The following RBBP7 variants were observed in gnomAD, a reference collection of about 807,000 sequenced individuals.
The protein encoded by RBBP7 is histone-binding protein RBBP7.
Under a neutral mutation model 35.2 loss-of-function variants are expected in RBBP7, and 5 were observed. The ratio of observed to expected loss-of-function variants is 0.14; its 90% CI spans 0.07 to 0.30. The LOEUF (loss-of-function observed/expected upper bound fraction) is 0.30, where lower values mean the gene tolerates loss of function less well. Ranked by LOEUF, RBBP7 falls within the 10% of genes least tolerant of loss-of-function variation. The probability of loss-of-function intolerance (pLI) is 1.00; values close to 1 mark genes in which losing one functional copy is unlikely to be tolerated. For missense variants in RBBP7, 155 were observed against 327.5 expected (o/e 0.47, Z 4.07); for synonymous variants, 140 against 118.7 (o/e 1.18, Z -1.17).
At chrX:16,853,654 C>T in intron 6 of RBBP7, 28 bp downstream of exon 6, 2 of 1,085,794 alleles carry the variant, frequency 1.8e-6, no homozygotes, top group Non-Finnish European at 2.4e-6. Flanking sequence ...ACCCATTTAA[C>T]AAGATCCCAC....
At chrX:16,864,654 G>A (rs919376213) in intron 2 of RBBP7, among the ~76,000 whole-genome samples, 11 of 109,523 alleles carry the variant, frequency 1.0e-4, no homozygotes, top group African/African-American at 3.7e-4. Context: ...GTCTTTATAT[G>A]TATGTAGGGG....
chrX:16,869,618 C>T (rs1950504773), intron 1 of RBBP7: 1 of 1,161,446 alleles, frequency 8.6e-7, no homozygotes, highest in African/African-American at 1.8e-5. Flanking sequence ...CCCCAGCTCC[C>T]ACGACGCCCG....
intron 5 of RBBP7, among the ~76,000 whole-genome samples, chrX:16,854,508 T>C (rs902186038): frequency 9.0e-6 from 1 of 110,975 alleles, no homozygotes; most frequent in Non-Finnish European, 1.9e-5. Flanking sequence ...TGAACACAAA[T>C]GCACATCCTA....
At chrX:16,869,993 CGCCCCCCGCG>C in intron 1 of RBBP7, 35 bp downstream of exon 1, 2 of 764,851 alleles carry the variant, frequency 2.6e-6, no homozygotes, top group Non-Finnish European at 1.5e-6. Flanking sequence ...GCGCGCCCGC[CGCCCCCCGCG>C]GCCCCGGCGC....
chrX:16,845,310 G>A (rs1157938326), intron 11 of RBBP7, among the ~76,000 whole-genome samples: 4 of 112,240 alleles, frequency 3.6e-5, no homozygotes, highest in Non-Finnish European at 5.6e-5. Flanking sequence ...GCCACCCATC[G>A]ATGCACTACT....
At chrX:16,845,588 A>G (rs890627494) in intron 11 of RBBP7, among the ~76,000 whole-genome samples, 1 of 112,227 alleles carries the variant, frequency 8.9e-6, no homozygotes, top group African/African-American at 3.2e-5. Flanking sequence ...CAACAATGAA[A>G]ATCAGTGCAG....
At chrX:16,858,576 C>A in intron 4 of RBBP7, 100 bp downstream of exon 4, 1 of 1,099,690 alleles carries the variant, frequency 9.1e-7, no homozygotes, top group Non-Finnish European at 1.2e-6. Flanking sequence ...AATTTTTAAA[C>A]CTTTAAATAT....
At chrX:16,853,536 G>T in intron 6 of RBBP7, 146 bp downstream of exon 6, 1 of 445,732 alleles carries the variant, frequency 2.2e-6, no homozygotes, top group Non-Finnish European at 3.4e-6. Flanking sequence ...GCTTCCCAAG[G>T]TATTGAGATT....
chrX:16,845,061 A>T lies in RBBP7; in HGVS notation c.1252T>A (p.Ser418Thr). 8.3e-7 allele frequency: 1 copy of T among 1,209,749 alleles called. No individual in the cohort carries two copies. The highest frequency in any genetic ancestry group is 1.1e-6 in the Non-Finnish European group (1 of 893,838). The change falls in exon 12 of 12, where the codon TCC becomes ACC. Residue 418 changes from serine (S) to threonine (T), a missense_variant. Around this residue, in one of 3 missense-constraint regions of RBBP7, gnomAD observed 17 missense variants for 16.3 expected, o/e 1.04. Transcript: ENST00000380087. ...YNDEESDVTT[S>T]ELEGQGS ...TAAGATCCTTGTCCCTCCAGTTCGG[A>T]TGTCGTGACATCTGACTCTTCATCA...
chrX:16,845,267 C>A (rs966109178), intron 11 of RBBP7, among the ~76,000 whole-genome samples, 164 bp from the exon 12 acceptor site: 1 of 112,339 alleles, frequency 8.9e-6, no homozygotes, highest in African/African-American at 3.2e-5. Context: ...TTGAAAAATT[C>A]TTTGCCAGTG....
intron 10 of RBBP7, chrX:16,846,577 C>A (rs1332851949): frequency 8.9e-6 from 1 of 112,110 alleles, no homozygotes; most frequent in African/African-American, 3.2e-5. Flanking sequence ...GAGAGCTTTG[C>A]TAAACAATTC....
At position 16,859,777 on chromosome X, in the gene RBBP7, C is replaced by A. The variant is rs750621761; in HGVS notation, c.308-928G>T. On this transcript the variant is annotated intron_variant, in intron 3 of 11. Transcript: ENST00000380087. ...AACTAACACAAATGCCTACTGGAGC[C>A]AGACAGGTAAGAAGTAAAATAGACC... is the stretch of plus-strand genomic sequence containing the variant. 3.6e-5 allele frequency among the ~76,000 whole-genome samples: 4 copies of A among 111,614 alleles called. No individual in the cohort carries two copies. In the South Asian group the frequency reaches 1.5e-3, roughly 42 times the overall value.
chrX:16,864,542 A>AAAAAAAAAAAAAAAAAAAAAAAAAAG (rs1569063331), intron 2 of RBBP7, among the ~76,000 whole-genome samples: 10 of 40,709 alleles, frequency 2.5e-4, no homozygotes, highest in African/African-American at 9.6e-4. Context: ...AAAAAAAAAA[A>AAAAAAAAAAAAAAAAAAAAAAAAAAG]AAAAAGAAAA....
chrX:16,860,448 G>A (rs892155509), intron 3 of RBBP7, among the ~76,000 whole-genome samples: 3 of 110,723 alleles, frequency 2.7e-5, no homozygotes, highest in Non-Finnish European at 3.8e-5. Context: ...CGGCACTTTG[G>A]GAGGCCAAGG....
At chrX:16,855,011 C>T (rs1178676965) in intron 5 of RBBP7, among the ~76,000 whole-genome samples, 3 of 102,374 alleles carry the variant, frequency 2.9e-5, no homozygotes, top group Non-Finnish European at 4.0e-5. Context: ...TAATTCATAG[C>T]ACGTGATCAT....
chrX:16,864,542 A>AG (rs1930557219), intron 2 of RBBP7, among the ~76,000 whole-genome samples: 2 of 40,711 alleles, frequency 4.9e-5, no homozygotes, highest in African/African-American at 2.1e-4. Flanking sequence ...AAAAAAAAAA[A>AG]AAAAAGAAAA....
chrX:16,865,123 G>A (rs892317734), intron 2 of RBBP7, among the ~76,000 whole-genome samples: 2 of 98,866 alleles, frequency 2.0e-5, no homozygotes, highest in Admixed American at 1.1e-4. Flanking sequence ...GGTGGCTCAC[G>A]CCTCTAATCC....
At chrX:16,869,583 T>A (rs752466708) in intron 1 of RBBP7, 41 of 1,164,142 alleles carry the variant, frequency 3.5e-5, no homozygotes, top group Non-Finnish European at 4.2e-5. Context: ...ACAGGCCTGG[T>A]CTCTCCAATC....
chrX:16,852,016 G>A, intron 9 of RBBP7, 30 bp downstream of exon 9: 2 of 1,146,212 alleles, frequency 1.7e-6, no homozygotes, highest in Non-Finnish European at 2.4e-6. Flanking sequence ...GCACATTTAT[G>A]CAGTATCTTG....
Sources: gnomAD v4.1 joint callset for allele counts (sites outside exome capture counted in the v4.1 genomes callset) on GRCh38, gnomAD v4.1.1 for gene constraint, gnomAD v4.1.1 regional missense constraint, MANE v1.5 for transcripts, NCBI Gene and HGNC (gene_info 2026-07-23, HGNC 2026-07-21) for gene names.